Variants in SLC2A6 observed in about 807,000 individuals in gnomAD.
The protein encoded by SLC2A6 is solute carrier family 2 member 6.
SLC2A6 carries 39 observed loss-of-function variants against 47.8 expected under a neutral mutation model. The observed-to-expected ratio is 0.82, with a 90% confidence interval of 0.63 to 1.07. SLC2A6 has a LOEUF of 1.07. Ranked by LOEUF, SLC2A6 falls within the 50% of genes least tolerant of loss-of-function variation. The pLI is 0.00. For synonymous variants in SLC2A6, 346 were observed against 324.1 expected, an observed-to-expected ratio of 1.07 and a Z score of -0.73; for missense variants, 650 against 707.6, an observed-to-expected ratio of 0.92 and a Z score of 0.92.
In SLC2A6 at chr9:133,475,475, C is replaced by T. The variant is rs1554803081; in HGVS notation, c.699G>A (p.Ala233=). Residue 233 remains alanine, a synonymous_variant, in exon 5 of 10, where the codon GCG becomes GCA. Coordinates refer to ENST00000371899, the MANE Select transcript of SLC2A6 (RefSeq NM_017585.4). ...SRGRDEEALR[A]LAWLRGTDVD... is the part of the protein sequence containing the mutation. ...CGTCCGTCCCACGCAGCCAGGCCAG[C>T]GCCCGCAGGGCCTCTTCGTCCCTGC... 9 of 1,611,876 alleles carry T rather than the reference C, an allele frequency of 5.6e-6. No individual in the cohort carries two copies. Among genetic ancestry groups the T allele is most frequent in the Admixed American group, 3.3e-5 (2 of 60,016 alleles).
Position 133,472,722 on chromosome 9 carries a change from G to A in SLC2A6, c.1368+383C>T, listed in dbSNP as rs1393970395. Among the ~76,000 whole-genome samples, 7 of 152,172 alleles carry A rather than the reference G, an allele frequency of 4.6e-5. No individual in the cohort carries two copies. In the East Asian group the frequency reaches 7.7e-4, roughly 17 times the overall value. On this transcript the variant is annotated intron_variant, in intron 9 of 9. Transcript: ENST00000371899. Reference sequence around the variant, plus strand: ...GCCCGTAGTTTTGAACCAGGAGGCAGGGGGAGTGGGTGGGGTTGAGGGGGG... The same window carrying A: ...GCCCGTAGTTTTGAACCAGGAGGCAAGGGGAGTGGGTGGGGTTGAGGGGGG...
rs587649028 is a variant in SLC2A6 at position 133,477,215 on chromosome 9, G to A, written c.282C>T (p.Ala94=). ...FGSVFTLGAA[A]GGLSAMILND... Reference sequence around the variant, plus strand: ...TGAGGATCATGGCACTCAGGCCTCCGGCCGCTGCTCCCAGGGTGAACACGG... The same window carrying A: ...TGAGGATCATGGCACTCAGGCCTCCAGCCGCTGCTCCCAGGGTGAACACGG... Residue 94 remains alanine, a synonymous_variant, in exon 3 of 10, where the codon GCC becomes GCT. Coordinates refer to ENST00000371899, the MANE Select transcript of SLC2A6 (RefSeq NM_017585.4). 7 of 1,551,024 alleles carry A rather than the reference G, an allele frequency of 4.5e-6. No homozygotes were observed. The East Asian group carries it at 9.8e-5, about 22-fold the overall frequency.
intron 9 of SLC2A6, among the ~76,000 whole-genome samples, chr9:133,472,652 C>T (rs895476023): frequency 1.3e-5 from 2 of 152,192 alleles, no homozygotes; most frequent in African/African-American, 4.8e-5. Context: ...GCTTCTCCCT[C>T]ATGGGAACTT....
rs782432152 is a variant in SLC2A6 at position 133,473,475 on chromosome 9, C to G, written c.1162G>C (p.Ala388Pro). The G allele has an allele frequency of 3.7e-6, 6 of 1,604,760 alleles. No homozygotes were observed. The South Asian group carries it at 6.7e-5, about 18-fold the overall frequency. The change falls in exon 8 of 10, where the codon GCA becomes CCA. Residue 388 changes from alanine (A) to proline (P), a missense_variant. Physicochemically the swap from Ala to Pro is conservative, Grantham distance 27. Coordinates refer to ENST00000371899, the MANE Select transcript of SLC2A6 (RefSeq NM_017585.4). ...AGGGTGAGGTAGCCAGCGGGTGCTGCCAGGGGCTGCGCCAAGTCCCCCCAG... is the reference window on the plus strand; with the variant it reads ...AGGGTGAGGTAGCCAGCGGGTGCTGGCAGGGGCTGCGCCAAGTCCCCCCAG... ...ESWGDLAQPL[A>P]APAGYLTLVP...
Position 133,473,441 on chromosome 9 carries a change from AG to A in SLC2A6, c.1195del (p.Leu399CysfsTer58), listed in dbSNP as rs781917265. The A allele has an allele frequency of 1.2e-6, 2 of 1,604,876 alleles. No individual in the cohort carries two copies. Among genetic ancestry groups the A allele is most frequent in the South Asian group, 2.2e-5 (2 of 89,716 alleles). On this transcript the variant is annotated frameshift_variant, in exon 8 of 10. Transcript: ENST00000371899. LOFTEE classifies it high-confidence loss of function. ...APAGYLTLVP[L>X]LATMLFIMGY... ...CATGATGAAGAGCATGGTGGCCAGC[AG>A]GGGCACCAGGGTGAGGTAGCCAGCG...
rs1376519518 is a variant in SLC2A6 at position 133,471,817 on chromosome 9, C to T, written c.*204G>A. On this transcript the variant is annotated 3_prime_UTR_variant, in exon 10 of 10. Coordinates refer to ENST00000371899, the MANE Select transcript of SLC2A6 (RefSeq NM_017585.4). Reference sequence around the variant, plus strand: ...TGGCTACGTGCAGCACTGTGGGCTGCCTGGGCTGGGGCTGTGGCTGGACAG... The same window carrying T: ...TGGCTACGTGCAGCACTGTGGGCTGTCTGGGCTGGGGCTGTGGCTGGACAG... 3 of 601,366 alleles carry T rather than the reference C, an allele frequency of 5.0e-6. No homozygotes were observed. Among genetic ancestry groups the T allele is most frequent in the Non-Finnish European group, 8.7e-6 (3 of 343,866 alleles). 37.3% of individuals were successfully genotyped at this position (601,366 alleles called of 1,614,324 possible).
rs782656911 is a variant in SLC2A6, at chr9:133,479,031, C to T, written c.29G>A (p.Gly10Asp). The T allele has an allele frequency of 1.3e-5, 21 of 1,598,278 alleles. No individual in the cohort carries two copies. The highest frequency in any genetic ancestry group is 1.7e-5 in the Non-Finnish European group (20 of 1,175,688). The part of the protein sequence containing the change: MQEPLLGAE[G>D]PDYDTFPEKP... Reference sequence around the variant, plus strand: ...CTCGGGGAAGGTGTCGTAGTCCGGGCCCTCGGCTCCCAGCAGCGGCTCCTG... The same window carrying T: ...CTCGGGGAAGGTGTCGTAGTCCGGGTCCTCGGCTCCCAGCAGCGGCTCCTG... The change falls in exon 1 of 10, where the codon GGC becomes GAC. Residue 10 changes from glycine to aspartate, a missense_variant. By Grantham distance (94) the Gly-to-Asp change is moderately conservative. Transcript: ENST00000371899.
rs937563579 is a variant in SLC2A6 at position 133,475,749 on chromosome 9, C to T, written c.563-138G>A. 3 of 794,358 alleles carry T rather than the reference C, an allele frequency of 3.8e-6. No individual in the cohort carries two copies. The African/African-American group carries it at 5.2e-5, about 14-fold the overall frequency. The allele number at this position is 794,358 out of a possible 1,614,324, so 49.2% of individuals were successfully genotyped here. A position where few individuals can be genotyped will look rare whatever the true frequency, so the allele number is the denominator to read the frequency against. ...CTACAGGAAGCCTACCCTGATTGCC[C>T]CAGGCAGGGTGGGGCTGCAGGGATT... On this transcript the variant is annotated intron_variant, in intron 4 of 9. Coordinates refer to ENST00000371899, the MANE Select transcript of SLC2A6 (RefSeq NM_017585.4).
At position 133,471,883 on chromosome 9, in the gene SLC2A6, G is replaced by A. The variant is rs1053552855; in HGVS notation, c.*138C>T. On this transcript the variant is annotated 3_prime_UTR_variant, in exon 10 of 10. Transcript: ENST00000371899. ...CGAGCCAGGGGCACCCGCTGCTGAG[G>A]CCCCATCACACTGCTCTTCCTGTGC... The A allele has an allele frequency of 5.5e-5, 56 of 1,016,246 alleles. No homozygotes were observed. Among genetic ancestry groups the A allele is most frequent in the Non-Finnish European group, 7.7e-5 (54 of 704,594 alleles). The allele number at this position is 1,016,246 out of a possible 1,614,324, so 63.0% of individuals were successfully genotyped here.
rs188146042 is a variant in SLC2A6, at chr9:133,472,243, C to T, written c.1369-67G>A. 1,601 of 1,575,626 alleles carry T rather than the reference C, an allele frequency of 1.0e-3. 19 individuals carry two copies. In the African/African-American group the frequency reaches 0.018, roughly 18 times the overall value. The stretch of plus-strand genomic sequence containing the variant: ...AGGGTCCTCCTGCCCCAGAGGAGCT[C>T]GTGGGCGCTGCTGGTAGTGACCAGC... On this transcript the variant is annotated intron_variant, in intron 9 of 9. Transcript: ENST00000371899.
In SLC2A6 at chr9:133,473,231, A is replaced by T; in HGVS notation, c.1242T>A (p.Gly414=). 1 of 1,586,610 alleles carries T rather than the reference A, an allele frequency of 6.3e-7. No individual in the cohort carries two copies. Among genetic ancestry groups the T allele is most frequent in the Non-Finnish European group, 8.6e-7 (1 of 1,167,548 alleles). ...CAGACATGAGCAGCCAGGTGATGGG[A>T]CCCCAGCCCACGGCGTAGCCTGCTC... The part of the protein sequence containing the change: ...LFIMGYAVGW[G]PITWLLMSEV... The change falls in exon 9 of 10, where the codon GGT becomes GGA. Residue 414 remains glycine (G), a synonymous_variant. Coordinates refer to ENST00000371899, the MANE Select transcript of SLC2A6 (RefSeq NM_017585.4).
chr9:133,473,893 C>G, intron 7 of SLC2A6, 87 bp downstream of exon 7: 3 of 1,084,300 alleles, frequency 2.8e-6, no homozygotes, highest in East Asian at 2.6e-5. Context: ...AGCCACACAG[C>G]CCCACCCCGA....
intron 8 of SLC2A6, 49 bp from the exon 9 acceptor site, chr9:133,473,299 G>A (rs373496293): frequency 3.2e-5 from 49 of 1,547,166 alleles, no homozygotes; most frequent in Admixed American, 4.0e-5. Context: ...GACTGGAGGC[G>A]GCTGTGTCTG....
rs1466185726 is a variant in SLC2A6, at chr9:133,475,503, C to CGA, written c.669_670dup (p.Arg224LeufsTer59). ...CCGCAGGGCCTCTTCGTCCCTGCCCCGAGAGAGCAGGAAGCGCGGCGAGTT... is the reference window on the plus strand; with the variant it reads ...CCGCAGGGCCTCTTCGTCCCTGCCCCGAGAGAGAGCAGGAAGCGCGGCGAGTT... On this transcript the variant is annotated frameshift_variant, in exon 5 of 10. Transcript: ENST00000371899. LOFTEE classifies it high-confidence loss of function. The CGA allele has an allele frequency of 1.2e-6, 2 of 1,611,458 alleles. No individual in the cohort carries two copies. Among genetic ancestry groups the CGA allele is most frequent in the African/African-American group, 2.7e-5 (2 of 74,918 alleles).
Position 133,471,377 on chromosome 9 carries a change from C to G in SLC2A6, c.*644G>C, listed in dbSNP as rs1554801395. 1 of 152,254 alleles carries G rather than the reference C, an allele frequency of 6.6e-6. No individual in the cohort carries two copies. 9.4% of individuals were successfully genotyped at this position (152,254 alleles called of 1,614,324 possible). The stretch of plus-strand genomic sequence containing the variant: ...TAGCTGGAACTACGGGTGTGTGCCA[C>G]CACACCCAGCTTTTTTGTATTTTTT... On this transcript the variant is annotated 3_prime_UTR_variant, in exon 10 of 10. Transcript: ENST00000371899.
intron 7 of SLC2A6, 132 bp downstream of exon 7, chr9:133,473,848 G>T: frequency 2.4e-6 from 2 of 825,804 alleles, no homozygotes; most frequent in Non-Finnish European, 3.7e-6. Flanking sequence ...CCAGGGCCCT[G>T]CCGATGCTAG....
intron 4 of SLC2A6, 41 bp downstream of exon 4, chr9:133,476,196 C>T (rs1554803293): frequency 3.3e-6 from 5 of 1,515,772 alleles, no homozygotes; most frequent in South Asian, 2.3e-5. Flanking sequence ...GCACCCACCC[C>T]TCCCACCAGC....
At position 133,475,671 on chromosome 9, in the gene SLC2A6, G is replaced by C. The variant is rs1588244275; in HGVS notation, c.563-60C>G. On this transcript the variant is annotated intron_variant, in intron 4 of 9. Transcript: ENST00000371899. The stretch of plus-strand genomic sequence containing the variant: ...GGCCTGGTACAGCCCCTTCCCTCTG[G>C]AGCCTCTGAATAACCTCATCTGCCC... 3.5e-5 allele frequency: 51 copies of C among 1,440,158 alleles called. No homozygotes were observed. The East Asian group carries it at 1.2e-3, about 35-fold the overall frequency. 89.2% of individuals were successfully genotyped at this position (1,440,158 alleles called of 1,614,324 possible).
Position 133,473,438 on chromosome 9 carries a change from A to C in SLC2A6, c.1199T>G (p.Leu400Arg). The C allele has an allele frequency of 6.2e-7, 1 of 1,604,536 alleles. No individual in the cohort carries two copies. The highest frequency in any genetic ancestry group is 2.2e-5 in the East Asian group (1 of 44,800). The change falls in exon 8 of 10, where the codon CTG (leucine) becomes CGG (arginine). Residue 400 changes from leucine (L) to arginine (R), a missense_variant. Leu to Arg is a moderately radical substitution (Grantham distance 102, BLOSUM62 -2). Coordinates refer to ENST00000371899, the MANE Select transcript of SLC2A6 (RefSeq NM_017585.4). ...PAGYLTLVPL[L>R]ATMLFIMGYA... ...ACCCATGATGAAGAGCATGGTGGCCAGCAGGGGCACCAGGGTGAGGTAGCC... is the reference window on the plus strand; with the variant it reads ...ACCCATGATGAAGAGCATGGTGGCCCGCAGGGGCACCAGGGTGAGGTAGCC...
Sources: gnomAD v4.1 joint callset for allele counts (sites outside exome capture counted in the v4.1 genomes callset) on GRCh38, gnomAD v4.1.1 for gene constraint, MANE v1.5 for transcripts, NCBI Gene and HGNC (gene_info 2026-07-23, HGNC 2026-07-21) for gene names.